Variants in GALNT3 observed in about 807,000 individuals in gnomAD.
GALNT3 encodes the protein GalNAc transferase 3.
Under a neutral mutation model 69.8 loss-of-function variants are expected in GALNT3, and 51 were observed. The ratio of observed to expected loss-of-function variants is 0.73; its 90% CI spans 0.58 to 0.92. The LOEUF is 0.92. GALNT3 is among the 40% of genes least tolerant of loss of function. The probability of loss-of-function intolerance (pLI) is 0.00; values close to 1 mark genes in which losing one functional copy is unlikely to be tolerated. For missense variants in GALNT3, 711 were observed against 760.0 expected (o/e 0.94, Z 0.76); for synonymous variants, 265 against 248.5 (o/e 1.07, Z -0.63).
chr2:165,763,331 T>G (rs1480390211), intron 3 of GALNT3, among the ~76,000 whole-genome samples: 1 of 152,174 alleles, frequency 6.6e-6, no homozygotes, highest in Non-Finnish European at 1.5e-5. Context: ...AATATAACCT[T>G]TTTTTCAATT....
At chr2:165,788,425 TG>T (rs1683270785) in intron 1 of GALNT3, among the ~76,000 whole-genome samples, 1 of 150,742 alleles carries the variant, frequency 6.6e-6, no homozygotes, top group Non-Finnish European at 1.5e-5. Context: ...AAAGGCTTAA[TG>T]GAAAGAGAAA....
chr2:165,764,040 T>C (rs1364286573), intron 3 of GALNT3, among the ~76,000 whole-genome samples: 13 of 152,232 alleles, frequency 8.5e-5, no homozygotes, highest in Admixed American at 7.9e-4. Context: ...TTTGTAATCA[T>C]TGAAATAATA....
chr2:165,761,972 C>A lies in GALNT3; in HGVS notation c.771G>T (p.Leu257=). The change falls in exon 4 of 11, where the codon CTG becomes CTT. Residue 257 remains leucine, a synonymous_variant. Coordinates refer to ENST00000392701, the MANE Select transcript of GALNT3 (RefSeq NM_004482.4). ...KIVRQRERKG[L]ITARLLGATV... is the part of the protein sequence containing the mutation. ...TTGCTCCTAGCAACCGAGCAGTGAT[C>A]AGACCTTTTCTTTCTCTTTGTCTGA... 2 of 1,613,636 alleles carry A rather than the reference C, an allele frequency of 1.2e-6. No individual in the cohort carries two copies. The highest frequency in any genetic ancestry group is 1.7e-6 in the Non-Finnish European group (2 of 1,179,610).
intron 9 of GALNT3, among the ~76,000 whole-genome samples, chr2:165,753,806 TAATC>T (rs1688395621): frequency 6.6e-6 from 1 of 152,230 alleles, no homozygotes. Context: ...GGTATGTCAC[TAATC>T]AAGGAGAATC....
intron 6 of GALNT3, among the ~76,000 whole-genome samples, chr2:165,758,279 A>G (rs922392723): frequency 6.6e-6 from 1 of 152,204 alleles, no homozygotes; most frequent in Non-Finnish European, 1.5e-5. Flanking sequence ...GAAATCAAAT[A>G]CATAAGGTAC....
chr2:165,779,025 C>A (rs1863197), intron 1 of GALNT3, among the ~76,000 whole-genome samples: 143,476 of 152,128 alleles, frequency 0.94, 68,017 homozygotes, highest in Non-Finnish European at 1. Context: ...CAAGGGTACA[C>A]CACTGCTGCC....
chr2:165,757,004 G>C (rs1187566084), intron 7 of GALNT3, 43 bp downstream of exon 7: 16 of 1,473,586 alleles, frequency 1.1e-5, no homozygotes, highest in African/African-American at 1.4e-5. Flanking sequence ...GTGTGAACTT[G>C]TTATAGATTT....
intron 1 of GALNT3, among the ~76,000 whole-genome samples, chr2:165,792,469 G>A (rs576746485): frequency 1.3e-5 from 2 of 152,278 alleles, no homozygotes; most frequent in South Asian, 4.1e-4. Flanking sequence ...ATCCTTTTAA[G>A]AAATGTAGAA....
chr2:165,794,665 C>G (rs1467959436), upstream of GALNT3: 1 of 152,300 alleles, frequency 6.6e-6, no homozygotes, highest in Non-Finnish European at 1.5e-5. Flanking sequence ...CATGTGGTTT[C>G]TTCGGGCAGG....
intron 1 of GALNT3, among the ~76,000 whole-genome samples, chr2:165,793,224 C>T (rs777201808): frequency 1.3e-5 from 2 of 152,056 alleles, no homozygotes; most frequent in South Asian, 2.1e-4. Flanking sequence ...TTTTTTGAAC[C>T]TTTGAGTCAT....
chr2:165,787,354 T>C lies in GALNT3; in HGVS notation c.-109+6661A>G, dbSNP rs1334818561. 3.3e-5 allele frequency among the ~76,000 whole-genome samples: 5 copies of C among 152,322 alleles called. No homozygotes were observed. The East Asian group carries it at 9.6e-4, about 29-fold the overall frequency. On this transcript the variant is annotated intron_variant, in intron 1 of 10. Coordinates refer to ENST00000392701, the MANE Select transcript of GALNT3 (RefSeq NM_004482.4). ...GGTGGAGCTGGAGCAATGATGAGTG[T>C]GCTATATGTTTGATGGGAGCCAAAT...
At chr2:165,780,037 G>A (rs982324034) in intron 1 of GALNT3, among the ~76,000 whole-genome samples, 1 of 152,108 alleles carries the variant, frequency 6.6e-6, no homozygotes, top group South Asian at 2.1e-4. Flanking sequence ...GCTGATCCCC[G>A]CAGGGGCTCA....
intron 1 of GALNT3, among the ~76,000 whole-genome samples, chr2:165,787,749 T>C (rs1683254317): frequency 1.3e-5 from 2 of 152,196 alleles, no homozygotes. Flanking sequence ...CTAACTCAAT[T>C]ATATTTTTTA....
intron 1 of GALNT3, among the ~76,000 whole-genome samples, chr2:165,793,193 G>A (rs1466179512): frequency 6.6e-6 from 1 of 152,158 alleles, no homozygotes; most frequent in Non-Finnish European, 1.5e-5. Context: ...GCTTAGACGT[G>A]GCAGGATCCT....
At chr2:165,750,782 T>C (rs1009407579) in intron 9 of GALNT3, among the ~76,000 whole-genome samples, 12 of 152,202 alleles carry the variant, frequency 7.9e-5, no homozygotes, top group South Asian at 2.1e-4. Flanking sequence ...GCCCCAGTTA[T>C]ATATTATGCT....
chr2:165,772,415 T>A (rs555637063), intron 1 of GALNT3, among the ~76,000 whole-genome samples: 7 of 151,482 alleles, frequency 4.6e-5, no homozygotes, highest in Admixed American at 4.6e-4. Context: ...CAAGACCCCA[T>A]CCTACAAAAA....
At position 165,748,741 on chromosome 2, in the gene GALNT3, G is replaced by A. The variant is rs1366658758; in HGVS notation, c.*40C>T. ...TGTATGCCTAGTCACAGTTTTATGA[G>A]AAAGAATATTTCCTTTTTCAACTTA... On this transcript the variant is annotated 3_prime_UTR_variant, in exon 11 of 11. Coordinates refer to ENST00000392701, the MANE Select transcript of GALNT3 (RefSeq NM_004482.4). 23 of 1,567,224 alleles carry A rather than the reference G, an allele frequency of 1.5e-5. No individual in the cohort carries two copies. The highest frequency in any genetic ancestry group is 2.0e-5 in the Non-Finnish European group (23 of 1,147,788).
At chr2:165,770,050 C>CA (rs1351061478) in intron 2 of GALNT3, 136 bp downstream of exon 2, 2 of 976,544 alleles carry the variant, frequency 2.0e-6, no homozygotes, top group African/African-American at 3.2e-5. Context: ...AAAATAAATA[C>CA]AACAGGTTAA....
At chr2:165,769,513 G>A (rs1252428994) in intron 2 of GALNT3, among the ~76,000 whole-genome samples, 1 of 151,218 alleles carries the variant, frequency 6.6e-6, no homozygotes, top group African/African-American at 2.4e-5. Flanking sequence ...CAGCACTTTG[G>A]GAGGCCAAGG....
Sources: allele counts gnomAD v4.1 joint callset (sites outside exome capture counted in the v4.1 genomes callset), GRCh38; gene constraint gnomAD v4.1.1; transcripts MANE v1.5; gene names NCBI Gene and HGNC (gene_info 2026-07-23, HGNC 2026-07-21).